The following CHN2 variants were observed in gnomAD, a reference collection of about 807,000 sequenced individuals.
The protein encoded by CHN2 is beta-chimaerin.
In CHN2, 35 loss-of-function variants were observed where a neutral mutation model predicts 56.3. The ratio of observed to expected loss-of-function variants is 0.62; its 90% confidence interval spans 0.47 to 0.82. The LOEUF (loss-of-function observed/expected upper bound fraction) is 0.82, where lower values mean the gene tolerates loss of function less well. Among genes scored for constraint, CHN2 ranks in the 40% least tolerant of loss-of-function variants. CHN2 has a pLI of 0.00. For synonymous variants in CHN2, 210 were observed against 212.8 expected (o/e 0.99, Z 0.12); for missense variants, 491 against 580.5 (o/e 0.85, Z 1.58).
intron 1 of CHN2, among the ~76,000 whole-genome samples, chr7:29,219,515 A>G (rs945612581): frequency 6.6e-5 from 10 of 152,168 alleles, no homozygotes; most frequent in Admixed American, 5.9e-4. Context: ...TATCAAATAT[A>G]AGTGGTTTCA....
intron 1 of CHN2, among the ~76,000 whole-genome samples, chr7:29,313,841 G>A (rs541824656): frequency 3.3e-5 from 5 of 152,254 alleles, no homozygotes; most frequent in Admixed American, 1.3e-4. Flanking sequence ...AGCGTTCATC[G>A]TTTTTAGAAA....
intron 7 of CHN2, among the ~76,000 whole-genome samples, chr7:29,492,774 AAG>A (rs1788803730): frequency 1.3e-5 from 2 of 152,270 alleles, no homozygotes; most frequent in South Asian, 4.1e-4. Context: ...CAGCCATCCA[AAG>A]AGATTGCTGT....
chr7:29,402,816 C>G (rs1478289147), intron 6 of CHN2, among the ~76,000 whole-genome samples: 1 of 152,118 alleles, frequency 6.6e-6, no homozygotes, highest in Non-Finnish European at 1.5e-5. Context: ...TATTTCTGGA[C>G]AATATTCCTA....
At chr7:29,412,968 T>A (rs934838120) in intron 6 of CHN2, among the ~76,000 whole-genome samples, 1 of 152,194 alleles carries the variant, frequency 6.6e-6, no homozygotes, top group Non-Finnish European at 1.5e-5. Flanking sequence ...CCCATTGCCG[T>A]TAATGGAAAT....
chr7:29,491,469 C>T lies in CHN2; in HGVS notation c.655-4483C>T, dbSNP rs574857410. On this transcript the variant is annotated intron_variant, in intron 7 of 12. Coordinates refer to ENST00000222792, the MANE Select transcript of CHN2 (RefSeq NM_004067.4). ...TGTTGTCCAGGTTGGAGCACAGTGG[C>T]GCCATCATAGCTCATTTTAGCCCTG... is the stretch of plus-strand genomic sequence containing the variant. Among the ~76,000 whole-genome samples, 17 of 152,222 alleles carry T rather than the reference C, an allele frequency of 1.1e-4. No individual in the cohort carries two copies. In the East Asian group the frequency reaches 1.4e-3, roughly 12 times the overall value.
At chr7:29,441,466 T>G (rs1351418247) in intron 6 of CHN2, among the ~76,000 whole-genome samples, 1 of 152,210 alleles carries the variant, frequency 6.6e-6, no homozygotes, top group African/African-American at 2.4e-5. Flanking sequence ...AAAATTGAAT[T>G]TGATCAAAAT....
chr7:29,393,945 A>G (rs1414421015), intron 4 of CHN2, among the ~76,000 whole-genome samples: 2 of 152,196 alleles, frequency 1.3e-5, no homozygotes. Context: ...CCTCCACAAA[A>G]GAGCTACTGA....
chr7:29,482,467 A>C (rs969732998), intron 7 of CHN2, among the ~76,000 whole-genome samples: 1 of 152,184 alleles, frequency 6.6e-6, no homozygotes, highest in African/African-American at 2.4e-5. Flanking sequence ...GGTTTTTGGA[A>C]GAACATTCAA....
In CHN2 at chr7:29,257,828, C is replaced by T. The variant is rs183131588; in HGVS notation, c.49+62838C>T. Among the ~76,000 whole-genome samples, 770 of 152,270 alleles carry T rather than the reference C, an allele frequency of 5.1e-3. 4 individuals are homozygous for T. The highest frequency in any genetic ancestry group is 8.9e-3 in the Non-Finnish European group (603 of 68,020). On this transcript the variant is annotated intron_variant, in intron 1 of 12. Transcript: ENST00000222792. Reference sequence around the variant, plus strand: ...TTTGAGACGGGGTCTCACTCTGTCACTCAGGCTGGAGTGCAGTGGTGTGAT... The same window carrying T: ...TTTGAGACGGGGTCTCACTCTGTCATTCAGGCTGGAGTGCAGTGGTGTGAT...
chr7:29,307,988 C>T (rs1794301829), intron 1 of CHN2, among the ~76,000 whole-genome samples: 2 of 152,190 alleles, frequency 1.3e-5, no homozygotes, highest in African/African-American at 4.8e-5. Flanking sequence ...AAAACTAATG[C>T]ATTTAGCACT....
chr7:29,426,543 T>A (rs779357312), intron 6 of CHN2, among the ~76,000 whole-genome samples: 9 of 152,168 alleles, frequency 5.9e-5, no homozygotes, highest in Non-Finnish European at 1.2e-4. Flanking sequence ...CATTCTTGCT[T>A]AAAAAATGAC....
At chr7:29,442,808 C>T (rs542872152) in intron 6 of CHN2, among the ~76,000 whole-genome samples, 1 of 152,138 alleles carries the variant, frequency 6.6e-6, no homozygotes, top group South Asian at 2.1e-4. Flanking sequence ...CATACGAGGT[C>T]GTTTTAAAAC....
At chr7:29,282,440 C>T (rs1791793061) in intron 1 of CHN2, among the ~76,000 whole-genome samples, 1 of 152,174 alleles carries the variant, frequency 6.6e-6, no homozygotes, top group Non-Finnish European at 1.5e-5. Flanking sequence ...TTGCTAGTGG[C>T]TCATTATATG....
At chr7:29,426,206 CAAAAAAAAAA>C (rs10630481) in intron 6 of CHN2, among the ~76,000 whole-genome samples, 4 of 83,914 alleles carry the variant, frequency 4.8e-5, no homozygotes, top group African/African-American at 7.8e-5. Flanking sequence ...GACTCTGTCT[CAAAAAAAAAA>C]AAAAAAAAAA....
intron 1 of CHN2, among the ~76,000 whole-genome samples, chr7:29,259,481 T>C (rs245980): frequency 0.018 from 2,746 of 152,090 alleles, 33 homozygotes; most frequent in Middle Eastern, 0.031. Flanking sequence ...TTGTGTAAAA[T>C]AGGGTGTGGT....
chr7:29,353,549 G>A (rs1221397969), intron 1 of CHN2, among the ~76,000 whole-genome samples: 1 of 152,160 alleles, frequency 6.6e-6, no homozygotes, highest in Non-Finnish European at 1.5e-5. Context: ...AGCTACTCAG[G>A]AGACTGAGGC....
intron 12 of CHN2, among the ~76,000 whole-genome samples, chr7:29,511,647 T>A (rs150139340): frequency 1.3e-5 from 2 of 152,338 alleles, no homozygotes; most frequent in African/African-American, 4.8e-5. Flanking sequence ...ACTCAATGGC[T>A]AATCCTAATG....
chr7:29,490,387 T>G (rs1423536301), intron 7 of CHN2, among the ~76,000 whole-genome samples: 3 of 152,196 alleles, frequency 2.0e-5, no homozygotes, highest in African/African-American at 7.2e-5. Context: ...TAGGATCTCC[T>G]ACGTGTTCTG....
intron 2 of CHN2, among the ~76,000 whole-genome samples, chr7:29,184,150 A>ATGAT (rs1435081724): frequency 7.7e-6 from 1 of 129,508 alleles, no homozygotes; most frequent in Non-Finnish European, 1.7e-5. Flanking sequence ...ATACAGATAG[A>ATGAT]TGATAGATAG....
Sources: gnomAD v4.1 joint callset for allele counts (sites outside exome capture counted in the v4.1 genomes callset) on GRCh38, gnomAD v4.1.1 for gene constraint, MANE v1.5 for transcripts, NCBI Gene and HGNC (gene_info 2026-07-23, HGNC 2026-07-21) for gene names.